PHYH: variants seen among roughly 807,000 people sequenced by gnomAD.
PHYH encodes the protein phytanoyl-CoA 2-hydroxylase, also known as phytanoyl-CoA dioxygenase, peroxisomal.
A neutral mutation model predicts 38.5 loss-of-function variants in PHYH; 32 were observed. The observed-to-expected ratio is 0.83, with a 90% CI of 0.63 to 1.12. The LOEUF is 1.12. PHYH is among the 50% of genes most tolerant of loss of function. The pLI, the probability that PHYH is intolerant of heterozygous loss-of-function variation, is 0.00. For missense variants in PHYH, 426 were observed against 434.8 expected (o/e 0.98, Z 0.18); for synonymous variants, 166 against 157.9 (o/e 1.05, Z -0.38).
Position 13,288,464 on chromosome 10 carries a change from C to A in PHYH, c.574G>T (p.Ala192Ser), listed in dbSNP as rs751660253. Reference protein sequence around the residue: ...PFRPSDLIVCAWTAMEHISRN... With the variant: ...PFRPSDLIVCSWTAMEHISRN... Reference sequence around the variant, plus strand: ...CTGATGTGCTCCATCGCCGTCCAGGCGCAAACGATGAGATCGCTGGGCCTG... The same window carrying A: ...CTGATGTGCTCCATCGCCGTCCAGGAGCAAACGATGAGATCGCTGGGCCTG... The change falls in exon 6 of 9, where the codon GCC (alanine) becomes TCC (serine). Residue 192 changes from alanine (A) to serine (S), a missense_variant. Physicochemically the swap from Ala to Ser is moderately conservative, Grantham distance 99. Coordinates refer to ENST00000263038, the MANE Select transcript of PHYH (RefSeq NM_006214.4). 1.9e-6 allele frequency: 3 copies of A among 1,614,204 alleles called. No individual in the cohort carries two copies. Among genetic ancestry groups the A allele is most frequent in the Non-Finnish European group, 2.5e-6 (3 of 1,180,034 alleles).
intron 4 of PHYH, among the ~76,000 whole-genome samples, chr10:13,293,569 G>C (rs998598292): frequency 1.3e-5 from 2 of 151,660 alleles, no homozygotes; most frequent in Non-Finnish European, 2.9e-5. Flanking sequence ...CAAAGTGCTG[G>C]GATTACAGGC....
At chr10:13,293,265 C>T (rs1177034181) in intron 4 of PHYH, among the ~76,000 whole-genome samples, 1 of 152,096 alleles carries the variant, frequency 6.6e-6, no homozygotes, top group Non-Finnish European at 1.5e-5. Context: ...AATGATTTCC[C>T]TACCCTTAGT....
At chr10:13,295,378 T>G (rs1835820219) in intron 3 of PHYH, 118 bp downstream of exon 3, 1 of 706,356 alleles carries the variant, frequency 1.4e-6, no homozygotes, top group African/African-American at 1.8e-5. Flanking sequence ...TTCTAAACAC[T>G]TCCCAACAAA....
intron 6 of PHYH, among the ~76,000 whole-genome samples, chr10:13,286,443 C>A (rs149098251): frequency 6.6e-6 from 1 of 152,082 alleles, no homozygotes; most frequent in Admixed American, 6.6e-5. Flanking sequence ...TGGCCAGGCG[C>A]GGTGAGCCCA....
intron 5 of PHYH, among the ~76,000 whole-genome samples, chr10:13,289,218 C>T (rs545869256): frequency 8.5e-5 from 13 of 152,222 alleles, no homozygotes; most frequent in South Asian, 2.1e-4. Context: ...TTTTTTGAGA[C>T]GGAGTCTTGT....
chr10:13,283,183 C>T (rs748779262), intron 7 of PHYH, among the ~76,000 whole-genome samples: 23 of 139,604 alleles, frequency 1.6e-4, no homozygotes, highest in Non-Finnish European at 3.3e-4. Context: ...GGCTGGAGTG[C>T]AGTGGCGCGA....
At position 13,300,018 on chromosome 10, in the gene PHYH, GGGCGGCGGCGCGAAGCTGCTCCAT is replaced by G; in HGVS notation, c.1_24del (p.MetGluGlnLeuArgAlaAlaAla1_?8). 1.3e-6 allele frequency: 2 copies of G among 1,532,336 alleles called. No individual in the cohort carries two copies. The highest frequency in any genetic ancestry group is 1.7e-6 in the Non-Finnish European group (2 of 1,144,482). 94.9% of individuals were successfully genotyped at this position (1,532,336 alleles called of 1,614,324 possible). On this transcript the variant is annotated start_lost and inframe_deletion, in exon 1 of 9. Coordinates refer to ENST00000263038, the MANE Select transcript of PHYH (RefSeq NM_006214.4). ...AGGTGGCCCAGAACAATCTGCAGACGGGCGGCGGCGCGAAGCTGCTCCATGGCTGCGGCGCGGGGAACCCCCACC... is the reference window on the plus strand; with the variant it reads ...AGGTGGCCCAGAACAATCTGCAGACGGGCTGCGGCGCGGGGAACCCCCACC...
intron 2 of PHYH, among the ~76,000 whole-genome samples, chr10:13,296,848 A>G (rs10796053): frequency 0.49 from 74,418 of 151,258 alleles, 19,665 homozygotes; most frequent in East Asian, 0.83. Flanking sequence ...CAGCTACTGG[A>G]GAGGCTGAGG....
chr10:13,297,754 G>A (rs1012944238), intron 2 of PHYH, among the ~76,000 whole-genome samples: 1 of 151,292 alleles, frequency 6.6e-6, no homozygotes, highest in Non-Finnish European at 1.5e-5. Flanking sequence ...GAGCCACGGT[G>A]CCCGGCCACA....
chr10:13,289,386 G>C (rs4748025), intron 5 of PHYH, among the ~76,000 whole-genome samples: 1 of 151,432 alleles, frequency 6.6e-6, no homozygotes, highest in Non-Finnish European at 1.5e-5. Context: ...TAGTAGAGAC[G>C]GGGTTTCACT....
chr10:13,294,330 A>T, intron 4 of PHYH, 98 bp downstream of exon 4: 2 of 1,082,636 alleles, frequency 1.8e-6, no homozygotes, highest in East Asian at 2.4e-5. Flanking sequence ...TGCTCGGATT[A>T]CAGGAGTGAG....
intron 5 of PHYH, among the ~76,000 whole-genome samples, chr10:13,290,281 C>T (rs192471411): frequency 2.5e-3 from 383 of 151,976 alleles, no homozygotes; most frequent in African/African-American, 8.4e-3. Flanking sequence ...GGCAACAGAG[C>T]AAGACTCCAT....
At position 13,294,559 on chromosome 10, in the gene PHYH, G is replaced by A. The variant is rs751977380; in HGVS notation, c.283C>T (p.Pro95Ser). Residue 95 changes from proline (P) to serine (S), a missense_variant, in exon 4 of 9, where the codon CCA becomes TCA. Coordinates refer to ENST00000263038, the MANE Select transcript of PHYH (RefSeq NM_006214.4). ...FEKICRKEVK[P>S]LGLTVMRDVT... ...TCTCTCATTACTGTTAATCCTAATGGTTTCACCTCCTTTCTGCAGATTTTT... is the reference window on the plus strand; with the variant it reads ...TCTCTCATTACTGTTAATCCTAATGATTTCACCTCCTTTCTGCAGATTTTT... 2 of 1,613,942 alleles carry A rather than the reference G, an allele frequency of 1.2e-6. No homozygotes were observed. The highest frequency in any genetic ancestry group is 1.7e-6 in the Non-Finnish European group (2 of 1,179,866).
At position 13,294,647 on chromosome 10, in the gene PHYH, T is replaced by C. The variant is rs771744126; in HGVS notation, c.246-51A>G. On this transcript the variant is annotated intron_variant, in intron 3 of 8. Coordinates refer to ENST00000263038, the MANE Select transcript of PHYH (RefSeq NM_006214.4). ...GTCGTTACCGCTGGCTCCAAGCACC[T>C]GCCCTGCCCTCCTCTGTGGAAAGGG... 2.7e-6 allele frequency: 4 copies of C among 1,508,750 alleles called. No homozygotes were observed. The South Asian group carries it at 3.4e-5, about 13-fold the overall frequency. 93.5% of individuals were successfully genotyped at this position (1,508,750 alleles called of 1,614,324 possible).
At chr10:13,290,352 T>A (rs529488687) in intron 5 of PHYH, among the ~76,000 whole-genome samples, 7 of 152,124 alleles carry the variant, frequency 4.6e-5, no homozygotes, top group African/African-American at 1.7e-4. Flanking sequence ...ACAACTATAG[T>A]CATTCCATGT....
chr10:13,289,644 G>A (rs1835654070), intron 5 of PHYH, among the ~76,000 whole-genome samples: 1 of 152,036 alleles, frequency 6.6e-6, no homozygotes, highest in African/African-American at 2.4e-5. Flanking sequence ...GTCAAAAAAA[G>A]TTCTAAGCCA....
chr10:13,282,797 T>A (rs576844043), intron 7 of PHYH, among the ~76,000 whole-genome samples: 37 of 152,282 alleles, frequency 2.4e-4, no homozygotes, highest in Middle Eastern at 3.4e-3. Context: ...TTGATTTTTT[T>A]AAATTTCGCA....
At chr10:13,289,249 G>A (rs2131641970) in intron 5 of PHYH, among the ~76,000 whole-genome samples, 2 of 152,298 alleles carry the variant, frequency 1.3e-5, no homozygotes, top group East Asian at 3.9e-4. Context: ...AGGCTGGAGT[G>A]CAGTGACGCG....
At position 13,299,366 on chromosome 10, in the gene PHYH, C is replaced by A. The variant is rs1832677384; in HGVS notation, c.75+602G>T. The A allele has an allele frequency of 5.5e-6, 5 of 914,508 alleles. No homozygotes were observed. The South Asian group carries it at 2.6e-4, about 47-fold the overall frequency. 56.6% of individuals were successfully genotyped at this position (914,508 alleles called of 1,614,324 possible). A position where few individuals can be genotyped will look rare whatever the true frequency, so the allele number is the denominator to read the frequency against. ...GTAACCCTGGACTCCTGGCCTTGGC[C>A]CCCAGAAGAGCCGAGACAACAGGCA... On this transcript the variant is annotated intron_variant, in intron 1 of 8. Transcript: ENST00000263038.
Sources: gnomAD v4.1 joint callset for allele counts (sites outside exome capture counted in the v4.1 genomes callset) on GRCh38, gnomAD v4.1.1 for gene constraint, MANE v1.5 for transcripts, NCBI Gene and HGNC (gene_info 2026-07-23, HGNC 2026-07-21) for gene names.